The following AUTS2 variants were observed in gnomAD, a reference collection of about 807,000 sequenced individuals.
AUTS2 encodes the protein autism susceptibility gene 2 protein.
In AUTS2, 17 loss-of-function variants were observed where a neutral mutation model predicts 112.4. The ratio of observed to expected loss-of-function variants is 0.15; its 90% CI spans 0.10 to 0.23. AUTS2 has a LOEUF of 0.23. Among genes scored for constraint, AUTS2 ranks in the 10% least tolerant of loss-of-function variants. The pLI is 1.00. For synonymous variants in AUTS2, 751 were observed against 702.7 expected (o/e 1.07, Z -1.09); for missense variants, 1,510 against 1,701.6 (o/e 0.89, Z 1.98).
chr7:69,955,518 A>G (rs1192586619), intron 2 of AUTS2, among the ~76,000 whole-genome samples: 1 of 152,218 alleles, frequency 6.6e-6, no homozygotes, highest in African/African-American at 2.4e-5. Context: ...TTAGGGGCTT[A>G]CATACAGGGG....
chr7:69,676,571 G>T (rs1314675251), intron 1 of AUTS2, among the ~76,000 whole-genome samples: 9 of 152,186 alleles, frequency 5.9e-5, no homozygotes, highest in African/African-American at 9.7e-5. Flanking sequence ...CTATGGCAAG[G>T]TATCTTGACT....
At chr7:69,837,912 C>T (rs983416868) in intron 1 of AUTS2, among the ~76,000 whole-genome samples, 4 of 152,122 alleles carry the variant, frequency 2.6e-5, no homozygotes, top group Non-Finnish European at 4.4e-5. Flanking sequence ...ATTTATGATG[C>T]GGATCTCTGT....
intron 1 of AUTS2, among the ~76,000 whole-genome samples, chr7:69,629,634 T>C (rs1794133132): frequency 6.6e-6 from 1 of 152,210 alleles, no homozygotes; most frequent in Non-Finnish European, 1.5e-5. Context: ...GTAAGTAATG[T>C]AGTAAATGTA....
chr7:70,497,685 G>A (rs927906342), intron 5 of AUTS2, among the ~76,000 whole-genome samples: 2 of 152,108 alleles, frequency 1.3e-5, no homozygotes, highest in Admixed American at 6.5e-5. Flanking sequence ...AGAAGTTTGC[G>A]TTACCTGTTC....
At chr7:70,787,841 T>C (rs750508506) in intron 18 of AUTS2, among the ~76,000 whole-genome samples, 12 of 152,234 alleles carry the variant, frequency 7.9e-5, no homozygotes, top group Non-Finnish European at 1.5e-4. Context: ...TTTCCTCTTT[T>C]TGTTTTCTTT....
chr7:70,751,047 G>A (rs1256242207), intron 6 of AUTS2, among the ~76,000 whole-genome samples: 1 of 152,162 alleles, frequency 6.6e-6, no homozygotes, highest in East Asian at 1.9e-4. Flanking sequence ...TTATATCACA[G>A]ACATGTTGAT....
chr7:70,164,860 A>T (rs964197171), intron 4 of AUTS2, among the ~76,000 whole-genome samples: 1 of 152,204 alleles, frequency 6.6e-6, no homozygotes, highest in African/African-American at 2.4e-5. Flanking sequence ...AAGATAAAAA[A>T]AAAAGGTGAC....
At chr7:70,645,978 C>T (rs116411277) in intron 5 of AUTS2, among the ~76,000 whole-genome samples, 74 of 152,172 alleles carry the variant, frequency 4.9e-4, no homozygotes, top group African/African-American at 1.7e-3. Flanking sequence ...GGCATCCGTG[C>T]GTCTAACCCA....
intron 5 of AUTS2, among the ~76,000 whole-genome samples, chr7:70,513,565 G>A (rs2116821253): frequency 6.6e-6 from 1 of 152,198 alleles, no homozygotes; most frequent in Admixed American, 6.5e-5. Context: ...AATGGTGGCT[G>A]TAATCCACCT....
At chr7:69,646,613 A>G (rs916348067) in intron 1 of AUTS2, among the ~76,000 whole-genome samples, 1 of 152,230 alleles carries the variant, frequency 6.6e-6, no homozygotes, top group African/African-American at 2.4e-5. Flanking sequence ...TCAGATAGGA[A>G]CAGAGGCTAA....
chr7:69,617,518 C>T (rs568269711), intron 1 of AUTS2, among the ~76,000 whole-genome samples: 1 of 152,224 alleles, frequency 6.6e-6, no homozygotes, highest in East Asian at 1.9e-4. Flanking sequence ...GCGGCTGGAA[C>T]AAAGCCATTG....
intron 2 of AUTS2, among the ~76,000 whole-genome samples, chr7:69,912,621 G>A (rs1448953254): frequency 6.6e-6 from 1 of 152,166 alleles, no homozygotes; most frequent in Non-Finnish European, 1.5e-5. Context: ...CCGTTTTCAT[G>A]GTCATTCTGC....
At chr7:70,760,402 A>T (rs1323213785) in intron 6 of AUTS2, among the ~76,000 whole-genome samples, 2 of 152,208 alleles carry the variant, frequency 1.3e-5, no homozygotes, top group Non-Finnish European at 2.9e-5. Flanking sequence ...ATGTACCTAG[A>T]ACTTCTCACT....
intron 1 of AUTS2, among the ~76,000 whole-genome samples, chr7:69,717,472 G>T (rs1798672276): frequency 6.6e-6 from 1 of 152,206 alleles, no homozygotes; most frequent in East Asian, 1.9e-4. Flanking sequence ...GTTCTAATCT[G>T]TGCAGGCACA....
chr7:70,711,800 G>T (rs1462338472), intron 6 of AUTS2, among the ~76,000 whole-genome samples: 1 of 152,204 alleles, frequency 6.6e-6, no homozygotes, highest in Non-Finnish European at 1.5e-5. Flanking sequence ...GCTGTGTTTG[G>T]CAGTAGGTGG....
In AUTS2 at chr7:69,599,985, C is replaced by G; in HGVS notation, c.309+23C>G. 2 of 1,612,080 alleles carry G rather than the reference C, an allele frequency of 1.2e-6. No homozygotes were observed. The highest frequency in any genetic ancestry group is 1.7e-6 in the Non-Finnish European group (2 of 1,179,242). On this transcript the variant is annotated intron_variant, in intron 1 of 18. Coordinates refer to ENST00000342771, the MANE Select transcript of AUTS2 (RefSeq NM_015570.4). This position sits in a 1 kb window ranked among gnomAD's most constrained non-coding sequence, Gnocchi z 7.0. ...GAGGTAAGGGGGACCCCCCTTCCCC[C>G]GGGTTCCCTTTATGCACGACCCCAC...
At chr7:70,636,082 C>T (rs1281099301) in intron 5 of AUTS2, among the ~76,000 whole-genome samples, 2 of 152,154 alleles carry the variant, frequency 1.3e-5, no homozygotes, top group South Asian at 2.1e-4. Flanking sequence ...CTTATGTCTC[C>T]GGCAGGTCTT....
intron 2 of AUTS2, among the ~76,000 whole-genome samples, chr7:70,107,565 A>G (rs1027862381): frequency 1.4e-5 from 2 of 148,120 alleles, no homozygotes; most frequent in East Asian, 2.1e-4. Flanking sequence ...GATGGTCTCA[A>G]TCTCCTGACC....
intron 4 of AUTS2, among the ~76,000 whole-genome samples, chr7:70,410,316 G>A (rs1794716975): frequency 6.6e-6 from 1 of 152,012 alleles, no homozygotes; most frequent in East Asian, 1.9e-4. Context: ...TACTTATGTT[G>A]CCTCACAGTC....
Sources: allele counts gnomAD v4.1 joint callset (sites outside exome capture counted in the v4.1 genomes callset), GRCh38; gene constraint gnomAD v4.1.1; non-coding constraint Gnocchi (gnomAD v3.1); transcripts MANE v1.5; gene names NCBI Gene and HGNC (gene_info 2026-07-23, HGNC 2026-07-21).